GABRA3: variants seen among roughly 807,000 people sequenced by gnomAD.
The protein encoded by GABRA3 is gamma-aminobutyric acid receptor subunit alpha-3.
GABRA3 carries 10 observed loss-of-function variants against 30.1 expected under a neutral mutation model. That is an observed-to-expected ratio of 0.33 (90% CI 0.20 to 0.56). The LOEUF is 0.56. Ranked by LOEUF, GABRA3 falls within the 20% of genes least tolerant of loss-of-function variation. The pLI is 0.89. For missense variants in GABRA3, 233 were observed against 392.0 expected (o/e 0.59, Z 3.42); for synonymous variants, 151 against 146.8 (o/e 1.03, Z -0.21).
At chrX:152,243,397 T>C (rs11796575) in intron 5 of GABRA3, among the ~76,000 whole-genome samples, 15,630 of 111,528 alleles carry the variant, frequency 0.14, 843 homozygotes, top group Admixed American at 0.22. Flanking sequence ...TAGCTTGATT[T>C]AGCTATTCCC....
chrX:152,398,106 T>C (rs1445156439), intron 1 of GABRA3, among the ~76,000 whole-genome samples: 1 of 111,547 alleles, frequency 9.0e-6, no homozygotes, highest in Non-Finnish European at 1.9e-5. Flanking sequence ...TGCAACCTCC[T>C]TTCCTCTTGG....
chrX:152,238,306 T>C (rs36060751), intron 5 of GABRA3, among the ~76,000 whole-genome samples: 1,608 of 87,732 alleles, frequency 0.018, 32 homozygotes, highest in East Asian at 0.084. Flanking sequence ...TATTGATTTG[T>C]GTATATTGAA....
At chrX:152,299,288 A>C (rs1259073327) in intron 3 of GABRA3, among the ~76,000 whole-genome samples, 1 of 112,104 alleles carries the variant, frequency 8.9e-6, no homozygotes, top group East Asian at 2.8e-4. Flanking sequence ...GACTGGAAGC[A>C]GGGTGAGTGC....
intron 1 of GABRA3, among the ~76,000 whole-genome samples, chrX:152,428,308 A>AT (rs1244574241): frequency 8.9e-6 from 1 of 112,020 alleles, no homozygotes; most frequent in African/African-American, 3.2e-5. Context: ...CCTGGCTGCT[A>AT]TGCGGTGGCG....
chrX:152,197,458 A>T lies in GABRA3; in HGVS notation c.931+175T>A, dbSNP rs748278163. ...CTGGTCCAACAGTCTTCTTATTCTA[A>T]CTTCCTCCTTGAGAATTCAGTCGTC... On this transcript the variant is annotated intron_variant, in intron 8 of 9. Coordinates refer to ENST00000370314, the MANE Select transcript of GABRA3 (RefSeq NM_000808.4). Among the ~76,000 whole-genome samples the T allele has an allele frequency of 1.3e-3, 143 of 111,177 alleles. 3 individuals carry two copies. Among genetic ancestry groups the T allele is most frequent in the Admixed American group, 2.0e-3 (21 of 10,460 alleles).
chrX:152,309,302 A>G (rs1939766159), intron 3 of GABRA3, among the ~76,000 whole-genome samples: 1 of 111,632 alleles, frequency 9.0e-6, no homozygotes, highest in African/African-American at 3.3e-5. Flanking sequence ...CCTGTGAGAT[A>G]CTATGCAAGA....
intron 3 of GABRA3, among the ~76,000 whole-genome samples, chrX:152,302,591 T>C (rs1939650325): frequency 9.0e-6 from 1 of 111,372 alleles, no homozygotes; most frequent in African/African-American, 3.3e-5. Flanking sequence ...ATAATTTCAA[T>C]AATTTAGATT....
chrX:152,305,052 CTTA>C (rs1473816532), intron 3 of GABRA3, among the ~76,000 whole-genome samples: 2 of 110,986 alleles, frequency 1.8e-5, no homozygotes, highest in Admixed American at 9.6e-5. Flanking sequence ...TTTATTTTTT[CTTA>C]TTTTCTTTTT....
At chrX:152,198,992 C>A (rs900489935) in intron 7 of GABRA3, among the ~76,000 whole-genome samples, 12 of 111,499 alleles carry the variant, frequency 1.1e-4, no homozygotes, top group African/African-American at 3.3e-4. Context: ...GGGTGGGCCC[C>A]TCATCCAACA....
intron 3 of GABRA3, among the ~76,000 whole-genome samples, chrX:152,341,730 C>T (rs914084634): frequency 1.9e-5 from 2 of 107,774 alleles, no homozygotes; most frequent in Non-Finnish European, 3.8e-5. Context: ...TTCGTAGAGA[C>T]GGGGTTTCAC....
chrX:152,185,553 C>G (rs1203239793), intron 9 of GABRA3, among the ~76,000 whole-genome samples: 1 of 111,456 alleles, frequency 9.0e-6, no homozygotes, highest in Non-Finnish European at 1.9e-5. Context: ...TATAAAACAT[C>G]ATGGAAGCCT....
intron 1 of GABRA3, among the ~76,000 whole-genome samples, chrX:152,365,159 CAT>C: frequency 1.8e-5 from 2 of 111,379 alleles, no homozygotes; most frequent in Admixed American, 1.9e-4. Flanking sequence ...TTCTCAGCTT[CAT>C]AGAGTTAAAC....
At chrX:152,376,999 A>G (rs1929015998) in intron 1 of GABRA3, among the ~76,000 whole-genome samples, 4 of 112,021 alleles carry the variant, frequency 3.6e-5, no homozygotes. Flanking sequence ...TCCAATGTCT[A>G]AAAGGGAATT....
chrX:152,222,390 T>C (rs893774592), intron 6 of GABRA3, among the ~76,000 whole-genome samples: 4 of 107,661 alleles, frequency 3.7e-5, no homozygotes, highest in African/African-American at 1.4e-4. Flanking sequence ...TAATTCTAAT[T>C]TATTCTTCTT....
At chrX:152,381,079 A>C (rs934786152) in intron 1 of GABRA3, among the ~76,000 whole-genome samples, 1 of 111,726 alleles carries the variant, frequency 9.0e-6, no homozygotes, top group Non-Finnish European at 1.9e-5. Context: ...CCTTTTGCAC[A>C]TGCCGGCTTC....
chrX:152,395,979 G>A (rs1929650280), intron 1 of GABRA3, among the ~76,000 whole-genome samples: 1 of 112,071 alleles, frequency 8.9e-6, no homozygotes, highest in Non-Finnish European at 1.9e-5. Context: ...GGGTTGAATT[G>A]TGTTCTACAA....
chrX:152,449,717 C>T (rs1327753725), intron 1 of GABRA3, among the ~76,000 whole-genome samples: 2 of 111,524 alleles, frequency 1.8e-5, no homozygotes, highest in Non-Finnish European at 3.8e-5. Flanking sequence ...GACAAAGGTG[C>T]AAAATTCTCC....
At chrX:152,182,190 A>G (rs1351487696) in intron 9 of GABRA3, among the ~76,000 whole-genome samples, 1 of 108,540 alleles carries the variant, frequency 9.2e-6, no homozygotes, top group African/African-American at 3.4e-5. Context: ...ATATTTATAT[A>G]TTTACACATG....
chrX:152,217,347 G>A (rs1937743219), intron 6 of GABRA3, among the ~76,000 whole-genome samples: 1 of 111,397 alleles, frequency 9.0e-6, no homozygotes, highest in Non-Finnish European at 1.9e-5. Flanking sequence ...TCCGTTGCTA[G>A]AGTTTCACTG....
Sources: allele counts gnomAD v4.1 joint callset (sites outside exome capture counted in the v4.1 genomes callset), GRCh38; gene constraint gnomAD v4.1.1; transcripts MANE v1.5; gene names NCBI Gene and HGNC (gene_info 2026-07-23, HGNC 2026-07-21).